SH3PXD2A: variants seen among roughly 807,000 people sequenced by gnomAD.
The protein encoded by SH3PXD2A is SH3 and PX domains 2A.
Under a neutral mutation model 115.2 loss-of-function variants are expected in SH3PXD2A, and 32 were observed. The ratio of observed to expected loss-of-function variants is 0.28; its 90% confidence interval spans 0.21 to 0.37. The LOEUF (loss-of-function observed/expected upper bound fraction) is 0.37. SH3PXD2A is among the 10% of genes least tolerant of loss of function. SH3PXD2A has a pLI of 1.00. For synonymous variants in SH3PXD2A, 610 were observed against 629.1 expected, an observed-to-expected ratio of 0.97 and a Z score of 0.45; for missense variants, 1,328 against 1,498.7, an observed-to-expected ratio of 0.89 and a Z score of 1.88.
At chr10:103,807,650 C>T (rs1391044590) in intron 1 of SH3PXD2A, among the ~76,000 whole-genome samples, 1 of 152,212 alleles carries the variant, frequency 6.6e-6, no homozygotes, top group African/African-American at 2.4e-5. Context: ...ACTGCAGCCA[C>T]GCTGAGAAAA....
At chr10:103,844,011 A>G (rs1396876369) in intron 1 of SH3PXD2A, among the ~76,000 whole-genome samples, 2 of 152,246 alleles carry the variant, frequency 1.3e-5, no homozygotes, top group Non-Finnish European at 2.9e-5. Flanking sequence ...GTTCAGAAAT[A>G]ACAAAAAACA....
intron 6 of SH3PXD2A, chr10:103,678,262 C>A: frequency 1.5e-6 from 1 of 685,552 alleles, no homozygotes; most frequent in South Asian, 1.5e-5. Context: ...TGGGTCCAGA[C>A]CAATCCCCTG....
At chr10:103,628,146 T>C (rs1592270880) in intron 8 of SH3PXD2A, among the ~76,000 whole-genome samples, 1 of 151,956 alleles carries the variant, frequency 6.6e-6, no homozygotes, top group African/African-American at 2.4e-5. Flanking sequence ...CACTGGGAGG[T>C]AGAGAAGGCT....
At chr10:103,730,198 C>T (rs965454452) in intron 4 of SH3PXD2A, among the ~76,000 whole-genome samples, 2 of 151,180 alleles carry the variant, frequency 1.3e-5, no homozygotes, top group African/African-American at 4.9e-5. Flanking sequence ...AATTGCTTCT[C>T]TCTTTTCAGC....
chr10:103,627,316 G>T lies in SH3PXD2A; in HGVS notation c.605-114C>A. 1.5e-6 allele frequency: 1 copy of T among 665,666 alleles called. No homozygotes were observed. The highest frequency in any genetic ancestry group is 2.7e-6 in the Non-Finnish European group (1 of 373,340). 41.2% of individuals were successfully genotyped at this position (665,666 alleles called of 1,614,324 possible). Reference sequence around the variant, plus strand: ...GCACAAGAAGCGGAGCATGGAGCCAGATGGCCTGGGGACCCAGCAAATGCC... The same window carrying T: ...GCACAAGAAGCGGAGCATGGAGCCATATGGCCTGGGGACCCAGCAAATGCC... On this transcript the variant is annotated intron_variant, in intron 8 of 14. Transcript: ENST00000369774. This position sits in a 1 kb window ranked among gnomAD's most constrained non-coding sequence, Gnocchi z 4.4.
chr10:103,855,111 A>C (rs1842928468), intron 1 of SH3PXD2A, 84 bp downstream of exon 1: 2 of 960,092 alleles, frequency 2.1e-6, no homozygotes, highest in Non-Finnish European at 1.5e-6. Context: ...TCGCGACCTC[A>C]CAGCTGGGAG....
chr10:103,601,641 G>A lies in SH3PXD2A; in HGVS notation c.*175C>T, dbSNP rs902702287. 1 of 579,600 alleles carries A rather than the reference G, an allele frequency of 1.7e-6. No homozygotes were observed. The highest frequency in any genetic ancestry group is 3.0e-5 in the East Asian group (1 of 33,530). The allele number at this position is 579,600 out of a possible 1,614,324, so 35.9% of individuals were successfully genotyped here. A position where few individuals can be genotyped will look rare whatever the true frequency, so the allele number is the denominator to read the frequency against. ...GGGCACCCCCATCCCCTACCTTCCA[G>A]CTGTGGGATGGCTTGGACAGGGGGC... is the stretch of plus-strand genomic sequence containing the variant. On this transcript the variant is annotated 3_prime_UTR_variant, in exon 15 of 15. Transcript: ENST00000369774.
intron 2 of SH3PXD2A, among the ~76,000 whole-genome samples, chr10:103,794,250 A>G (rs2134255167): frequency 6.6e-6 from 1 of 152,304 alleles, no homozygotes; most frequent in South Asian, 2.1e-4. Flanking sequence ...AAATAGGTTA[A>G]GTCCTTCAGA....
At chr10:103,626,179 G>A (rs1465277470) in intron 9 of SH3PXD2A, among the ~76,000 whole-genome samples, 1 of 152,270 alleles carries the variant, frequency 6.6e-6, no homozygotes, top group Non-Finnish European at 1.5e-5. Flanking sequence ...CTCGACATAG[G>A]AGGAAGGGCG....
intron 2 of SH3PXD2A, among the ~76,000 whole-genome samples, chr10:103,773,170 G>A: frequency 6.8e-6 from 1 of 147,694 alleles, no homozygotes. Flanking sequence ...GTTGCAGTGA[G>A]CTGAGATCTC....
At chr10:103,786,367 T>TA (rs2038981351) in intron 2 of SH3PXD2A, among the ~76,000 whole-genome samples, 1 of 152,008 alleles carries the variant, frequency 6.6e-6, no homozygotes, top group Non-Finnish European at 1.5e-5. Flanking sequence ...TCTCTTTTTT[T>TA]TAAAAAAGGG....
chr10:103,595,804 G>T lies in SH3PXD2A; in HGVS notation c.*6012C>A, dbSNP rs2036124616. Reference sequence around the variant, plus strand: ...AACCTTATAGGCAGGCTGGGATCAAGACCTTGGAAGGTAGGGCTCTCCACC... The same window carrying T: ...AACCTTATAGGCAGGCTGGGATCAATACCTTGGAAGGTAGGGCTCTCCACC... On this transcript the variant is annotated 3_prime_UTR_variant, in exon 15 of 15. Coordinates refer to ENST00000369774, the MANE Select transcript of SH3PXD2A (RefSeq NM_001394015.1). 6.5e-6 allele frequency: 1 copy of T among 152,676 alleles called. No homozygotes were observed. Among genetic ancestry groups the T allele is most frequent in the Non-Finnish European group, 1.5e-5 (1 of 68,034 alleles). 9.5% of individuals were successfully genotyped at this position (152,676 alleles called of 1,614,324 possible). A position where few individuals can be genotyped will look rare whatever the true frequency, so the allele number is the denominator to read the frequency against.
chr10:103,760,206 T>C (rs1245786097), intron 3 of SH3PXD2A, among the ~76,000 whole-genome samples: 2 of 152,190 alleles, frequency 1.3e-5, no homozygotes, highest in Non-Finnish European at 2.9e-5. Context: ...TATGCAGGCA[T>C]TCATCTGAGC....
chr10:103,850,212 G>A (rs1842884314), intron 1 of SH3PXD2A, among the ~76,000 whole-genome samples: 1 of 152,122 alleles, frequency 6.6e-6, no homozygotes, highest in South Asian at 2.1e-4. Flanking sequence ...ACATCAAATA[G>A]GTTTATTTTT....
At chr10:103,688,015 A>T (rs1452247898) in intron 6 of SH3PXD2A, among the ~76,000 whole-genome samples, 1 of 152,118 alleles carries the variant, frequency 6.6e-6, no homozygotes, top group African/African-American at 2.4e-5. Flanking sequence ...TATATAGCTC[A>T]TCACCCACAG....
At chr10:103,675,131 CAGGCCTGCTCCTACACT>C (rs2037516590) in intron 6 of SH3PXD2A, among the ~76,000 whole-genome samples, 1 of 152,058 alleles carries the variant, frequency 6.6e-6, no homozygotes, top group South Asian at 2.1e-4. Context: ...GCTCGGACCC[CAGGCCTGCTCCTACACT>C]CAGAGCCTCC....
chr10:103,662,341 CG>C (rs1196791691), intron 7 of SH3PXD2A, among the ~76,000 whole-genome samples: 143 of 10,634 alleles, frequency 0.013, 1 homozygote, highest in African/African-American at 0.028. Context: ...CCATTATTGG[CG>C]GGGGGGGGGG....
Position 103,784,343 on chromosome 10 carries a change from G to A in SH3PXD2A, c.153+16939C>T, listed in dbSNP as rs1246821030. ...CCACGTGGATGCCCGTGCCTGGAGC[G>A]CCTTCCCAGCCTACCTGAACCCCAG... On this transcript the variant is annotated intron_variant, in intron 2 of 14. Transcript: ENST00000369774. The surrounding 1 kb of genome is among the most constrained non-coding windows in gnomAD (Gnocchi z 4.4). Among the ~76,000 whole-genome samples the A allele has an allele frequency of 1.3e-5, 2 of 152,142 alleles. No homozygotes were observed. The highest frequency in any genetic ancestry group is 3.9e-4 in the East Asian group (2 of 5,180).
At chr10:103,800,490 G>C (rs2039136924) in intron 2 of SH3PXD2A, among the ~76,000 whole-genome samples, 1 of 152,232 alleles carries the variant, frequency 6.6e-6, no homozygotes, top group South Asian at 2.1e-4. Flanking sequence ...GGGAAGCAGA[G>C]ACAAGACAGA....
Sources: allele counts gnomAD v4.1 joint callset (sites outside exome capture counted in the v4.1 genomes callset), GRCh38; gene constraint gnomAD v4.1.1; non-coding constraint Gnocchi (gnomAD v3.1); transcripts MANE v1.5; gene names NCBI Gene and HGNC (gene_info 2026-07-23, HGNC 2026-07-21).